Variants in ZBTB3 observed in about 807,000 individuals in gnomAD.
The protein encoded by ZBTB3 is zinc finger and BTB domain containing 3, also known as zinc finger and BTB domain-containing protein 3.
A neutral mutation model predicts 30.6 loss-of-function variants in ZBTB3; 15 were observed. The ratio of observed to expected loss-of-function variants is 0.49; its 90% confidence interval spans 0.33 to 0.75. The LOEUF (loss-of-function observed/expected upper bound fraction) is 0.75. Among genes scored for constraint, ZBTB3 ranks in the 30% least tolerant of loss-of-function variants. The pLI is 0.02. For missense variants in ZBTB3, 599 were observed against 652.1 expected, an observed-to-expected ratio of 0.92 and a Z score of 0.89; for synonymous variants, 258 against 261.7, an observed-to-expected ratio of 0.99 and a Z score of 0.14.
rs763373327 is a variant in ZBTB3, at chr11:62,753,604, C to T, written c.61G>A (p.Gly21Ser). 2 of 1,613,956 alleles carry T rather than the reference C, an allele frequency of 1.2e-6. No homozygotes were observed. The highest frequency in any genetic ancestry group is 1.7e-5 in the Admixed American group (1 of 59,976). The change falls in exon 2 of 2, where the codon GGT becomes AGT. Residue 21 changes from glycine (G) to serine (S), a missense_variant. Transcript: ENST00000394807. ...ATCACGGTGCAGTCACAAAGGAAAC[C>T]CTGGGACCGCTGCTCCCGGAGGCTC... The part of the protein sequence containing the change: ...LQSLREQRSQ[G>S]FLCDCTVMVG...
chr11:62,752,277 CCT>C lies in ZBTB3; in HGVS notation c.1386_1387del (p.Asp464ProfsTer11). The C allele has an allele frequency of 1.9e-6, 3 of 1,614,134 alleles. No individual in the cohort carries two copies. The highest frequency in any genetic ancestry group is 2.5e-6 in the Non-Finnish European group (3 of 1,180,030). ...CTTGCGGATGTGGCGGTAGAGGTCC[CCT>C]GACTGCGTGTAGCTCCGCAGGCAGT... On this transcript the variant is annotated frameshift_variant, in exon 2 of 2. Transcript: ENST00000394807. LOFTEE classifies it high-confidence loss of function.
At chr11:62,753,816 G>C in intron 1 of ZBTB3, 101 bp from the exon 2 acceptor site, 1 of 1,525,120 alleles carries the variant, frequency 6.6e-7, no homozygotes. Context: ...TTAAGTTACT[G>C]CCCTTCTTTC....
rs1419272997 is a variant in ZBTB3, at chr11:62,752,398, T to C, written c.1267A>G (p.Thr423Ala). ...SFGVFTEDVPTCKTCGKTFSC... is the reference protein window; with the variant it reads ...SFGVFTEDVPACKTCGKTFSC... The stretch of plus-strand genomic sequence containing the variant: ...AAGGTCTTCCCACATGTCTTGCAGG[T>C]GGGAACATCCTCAGTAAAAACCCCA... Residue 423 changes from threonine to alanine, a missense_variant, in exon 2 of 2, where the codon ACC (threonine) becomes GCC (alanine). Physicochemically the swap from Thr to Ala is moderately conservative, Grantham distance 58 (BLOSUM62 0). Transcript: ENST00000394807. 1 of 1,614,150 alleles carries C rather than the reference T, an allele frequency of 6.2e-7. No individual in the cohort carries two copies. Among genetic ancestry groups the C allele is most frequent in the Admixed American group, 1.7e-5 (1 of 60,018 alleles).
rs1191322016 is a variant in ZBTB3 at position 62,753,494 on chromosome 11, T to G, written c.171A>C (p.Glu57Asp). The stretch of plus-strand genomic sequence containing the variant: ...TACACACCAGATCCCTCTTGTCCAA[T>G]TCCCGCTCCTTGTAGAAAAGCTGGA... ...PFFQLFYKER[E>D]LDKRDLVCIH... The change falls in exon 2 of 2, where the codon GAA (glutamate) becomes GAC (aspartate). Residue 57 changes from glutamate to aspartate, a missense_variant. Physicochemically the swap from Glu to Asp is conservative, Grantham distance 45. Transcript: ENST00000394807. The G allele has an allele frequency of 6.2e-7, 1 of 1,614,050 alleles. No homozygotes were observed. Among genetic ancestry groups the G allele is most frequent in the African/African-American group, 1.3e-5 (1 of 74,932 alleles).
Position 62,752,032 on chromosome 11 carries a change from A to G in ZBTB3, c.*58T>C, listed in dbSNP as rs2084016657. 6 of 1,504,282 alleles carry G rather than the reference A, an allele frequency of 4.0e-6. No homozygotes were observed. The highest frequency in any genetic ancestry group is 4.5e-6 in the Non-Finnish European group (5 of 1,122,988). 93.2% of individuals were successfully genotyped at this position (1,504,282 alleles called of 1,614,324 possible). A position where few individuals can be genotyped will look rare whatever the true frequency, so the allele number is the denominator to read the frequency against. ...CAGCAGGGGTGATAAGGTGCCACCA[A>G]CCTTCTGAGCTGCCATCTAAGGATG... On this transcript the variant is annotated 3_prime_UTR_variant, in exon 2 of 2. Transcript: ENST00000394807.
rs36089406 is a variant in ZBTB3, at chr11:62,751,525, C to CA, written c.*564dup. 1,624 of 49,498 alleles carry CA rather than the reference C, an allele frequency of 0.033. 22 individuals are homozygous for CA. Among genetic ancestry groups the CA allele is most frequent in the South Asian group, 0.056 (80 of 1,422 alleles). 3.1% of individuals were successfully genotyped at this position (49,498 alleles called of 1,614,324 possible). A position where few individuals can be genotyped will look rare whatever the true frequency, so the allele number is the denominator to read the frequency against. On this transcript the variant is annotated 3_prime_UTR_variant, in exon 2 of 2. Coordinates refer to ENST00000394807, the MANE Select transcript of ZBTB3 (RefSeq NM_001370809.1). ...TGGGGGACAGAGTGAGACTCTGTCTCAAAAAAAAAAAAAAAAAAAGGAATC... is the reference window on the plus strand; with the variant it reads ...TGGGGGACAGAGTGAGACTCTGTCTCAAAAAAAAAAAAAAAAAAAAGGAATC...
chr11:62,753,962 AC>A lies in ZBTB3; in HGVS notation c.-52+1del, dbSNP rs1565179745. On this transcript the variant is annotated splice_donor_variant, in intron 1 of 1. Transcript: ENST00000394807. LOFTEE classifies it low-confidence loss of function (5UTR_SPLICE). ...GCCACCCTCCGCTTCCTTGATGCCCACCCGGTAGCGTCCAACGGCTCCACGA... is the reference window on the plus strand; with the variant it reads ...GCCACCCTCCGCTTCCTTGATGCCCACCGGTAGCGTCCAACGGCTCCACGA... 1 of 1,590,338 alleles carries A rather than the reference AC, an allele frequency of 6.3e-7. No homozygotes were observed. The highest frequency in any genetic ancestry group is 8.5e-7 in the Non-Finnish European group (1 of 1,172,236).
chr11:62,751,950 TAAA>T lies in ZBTB3; in HGVS notation c.*137_*139del. On this transcript the variant is annotated 3_prime_UTR_variant, in exon 2 of 2. Coordinates refer to ENST00000394807, the MANE Select transcript of ZBTB3 (RefSeq NM_001370809.1). Reference sequence around the variant, plus strand: ...ACTCTGTCTCAAAAAAATAAAAGATTAAAAAAAAAAAAGGGTAGGAACTTTCAG... The same window carrying T: ...ACTCTGTCTCAAAAAAATAAAAGATTAAAAAAAAAGGGTAGGAACTTTCAG... 8 of 650,260 alleles carry T rather than the reference TAAA, an allele frequency of 1.2e-5. No homozygotes were observed. The highest frequency in any genetic ancestry group is 1.8e-5 in the Non-Finnish European group (8 of 437,664). 40.3% of individuals were successfully genotyped at this position (650,260 alleles called of 1,614,324 possible). A position where few individuals can be genotyped will look rare whatever the true frequency, so the allele number is the denominator to read the frequency against.
At position 62,752,592 on chromosome 11, in the gene ZBTB3, A is replaced by C. The variant is rs773468710; in HGVS notation, c.1073T>G (p.Val358Gly). 5.0e-6 allele frequency: 8 copies of C among 1,613,936 alleles called. No individual in the cohort carries two copies. The South Asian group carries it at 6.6e-5, about 13-fold the overall frequency. Residue 358 changes from valine (V) to glycine (G), a missense_variant, in exon 2 of 2, where the codon GTG becomes GGG. Transcript: ENST00000394807. ...EDPGAAGLEEVGPSDHFLPTD... is the reference protein window; with the variant it reads ...EDPGAAGLEEGGPSDHFLPTD... ...TGGCAGGAAGTGGTCACTTGGCCCC[A>C]CCTCCTCCAGTCCTGCTGCCCCTGG...
Position 62,754,132 on chromosome 11 carries a change from C to A in ZBTB3, c.-220G>T, listed in dbSNP as rs996381714. 1 of 1,477,066 alleles carries A rather than the reference C, an allele frequency of 6.8e-7. No homozygotes were observed. Among genetic ancestry groups the A allele is most frequent in the African/African-American group, 1.4e-5 (1 of 72,292 alleles). The allele number at this position is 1,477,066 out of a possible 1,614,324, so 91.5% of individuals were successfully genotyped here. ...TAGCGGAGAAAGCTGATACCTCACC[C>A]ACCACCGAGCAGCCACAGGGCGAGC... is the stretch of plus-strand genomic sequence containing the variant. On this transcript the variant is annotated 5_prime_UTR_variant, in exon 1 of 2. Transcript: ENST00000394807.
Position 62,752,328 on chromosome 11 carries a change from C to CGT in ZBTB3, c.1335_1336dup (p.Arg446HisfsTer47), listed in dbSNP as rs1565178410. The CGT allele has an allele frequency of 6.2e-7, 1 of 1,614,158 alleles. No homozygotes were observed. Among genetic ancestry groups the CGT allele is most frequent in the East Asian group, 2.2e-5 (1 of 44,888 alleles). ...GTAGCGGCACTCATAGGGTCGCTCA[C>CGT]GTGTGTGCACCGTGGCATGTCGCCG... On this transcript the variant is annotated frameshift_variant, in exon 2 of 2. Coordinates refer to ENST00000394807, the MANE Select transcript of ZBTB3 (RefSeq NM_001370809.1). LOFTEE classifies it high-confidence loss of function.
Position 62,752,559 on chromosome 11 carries a change from G to A in ZBTB3, c.1106C>T (p.Pro369Leu). The change falls in exon 2 of 2, where the codon CCT (proline) becomes CTT (leucine). Residue 369 changes from proline (P) to leucine (L), a missense_variant. Physicochemically the swap from Pro to Leu is moderately conservative, Grantham distance 98. Transcript: ENST00000394807. ...TGGCAGCAGATGGTAGGGTAGATGA[G>A]GGTCTGTTGGCAGGAAGTGGTCACT... ...GPSDHFLPTD[P>L]HLPYHLLPGA... The A allele has an allele frequency of 6.2e-7, 1 of 1,614,182 alleles. No homozygotes were observed. The highest frequency in any genetic ancestry group is 1.1e-5 in the South Asian group (1 of 91,086).
rs763115295 is a variant in ZBTB3 at position 62,752,245 on chromosome 11, T to C, written c.1420A>G (p.Asn474Asp). The change falls in exon 2 of 2, where the codon AAT becomes GAT. Residue 474 changes from asparagine to aspartate, a missense_variant. Transcript: ENST00000394807. ...DLYRHIRKAH[N>D]EDLAKRSKPD... The stretch of plus-strand genomic sequence containing the variant: ...TTGCTGCGTTTGGCCAGGTCCTCAT[T>C]GTGAGCCTTGCGGATGTGGCGGTAG... 1.9e-6 allele frequency: 3 copies of C among 1,614,174 alleles called. No individual in the cohort carries two copies. The highest frequency in any genetic ancestry group is 2.2e-5 in the East Asian group (1 of 44,878).
In ZBTB3 at chr11:62,752,396, G is replaced by A. The variant is rs761044947; in HGVS notation, c.1269C>T (p.Thr423=). The A allele has an allele frequency of 2.5e-6, 4 of 1,614,146 alleles. No homozygotes were observed. Among genetic ancestry groups the A allele is most frequent in the East Asian group, 2.2e-5 (1 of 44,884 alleles). ...AGAAGGTCTTCCCACATGTCTTGCA[G>A]GTGGGAACATCCTCAGTAAAAACCC... is the stretch of plus-strand genomic sequence containing the variant. ...SFGVFTEDVP[T]CKTCGKTFSC... The change falls in exon 2 of 2, where the codon ACC becomes ACT. Residue 423 remains threonine (T), a synonymous_variant. Coordinates refer to ENST00000394807, the MANE Select transcript of ZBTB3 (RefSeq NM_001370809.1).
Position 62,753,298 on chromosome 11 carries a change from C to A in ZBTB3, c.367G>T (p.Ala123Ser). 6.2e-7 allele frequency: 1 copy of A among 1,614,126 alleles called. No individual in the cohort carries two copies. Among genetic ancestry groups the A allele is most frequent in the Non-Finnish European group, 8.5e-7 (1 of 1,180,038 alleles). Residue 123 changes from alanine (A) to serine (S), a missense_variant, in exon 2 of 2, where the codon GCC becomes TCC. Physicochemically the swap from Ala to Ser is moderately conservative, Grantham distance 99. Coordinates refer to ENST00000394807, the MANE Select transcript of ZBTB3 (RefSeq NM_001370809.1). ...TTGGTACTGTCTGCCTCTGCCAGGG[C>A]CCGGGCTTGAAGCCGCCGCTTACAC... ...KVCKRRLQAR[A>S]LAEADSTKKE...
Position 62,752,199 on chromosome 11 carries a change from G to A in ZBTB3, c.1466C>T (p.Pro489Leu), listed in dbSNP as rs2084018744. ...AGGGAGAGGCTGCACCCCTAGAAGG[G>A]GTCCCACTTCTGGATCTGGTTTGCT... ...KRSKPDPEVGPLLGVQPLPGS... is the reference protein window; with the variant it reads ...KRSKPDPEVGLLLGVQPLPGS... The change falls in exon 2 of 2, where the codon CCC (proline) becomes CTC (leucine). Residue 489 changes from proline to leucine, a missense_variant. By Grantham distance (98) the Pro-to-Leu change is moderately conservative. Coordinates refer to ENST00000394807, the MANE Select transcript of ZBTB3 (RefSeq NM_001370809.1). 1 of 1,614,162 alleles carries A rather than the reference G, an allele frequency of 6.2e-7. No homozygotes were observed. Among genetic ancestry groups the A allele is most frequent in the Non-Finnish European group, 8.5e-7 (1 of 1,180,018 alleles).
At position 62,752,722 on chromosome 11, in the gene ZBTB3, C is replaced by T. The variant is rs776078486; in HGVS notation, c.943G>A (p.Glu315Lys). The change falls in exon 2 of 2, where the codon GAG (glutamate) becomes AAG (lysine). Residue 315 changes from glutamate (E) to lysine (K), a missense_variant. By Grantham distance (56) the Glu-to-Lys change is moderately conservative (BLOSUM62 1). Transcript: ENST00000394807. ...KVEAIVISDE[E>K]TDVSDEQPQG... ...GGCTGTTCATCTGACACATCAGTCT[C>T]TTCATCAGAGATCACAATAGCTTCA... 1.2e-6 allele frequency: 2 copies of T among 1,614,208 alleles called. No homozygotes were observed. Among genetic ancestry groups the T allele is most frequent in the South Asian group, 2.2e-5 (2 of 91,088 alleles).
chr11:62,753,476 C>T lies in ZBTB3; in HGVS notation c.189G>A (p.Leu63=). 6.2e-7 allele frequency: 1 copy of T among 1,614,216 alleles called. No individual in the cohort carries two copies. The highest frequency in any genetic ancestry group is 8.5e-7 in the Non-Finnish European group (1 of 1,180,046). ...YKERELDKRD[L]VCIHNEIVTA... ...TGACAATTTCATTGTGAATACACAC[C>T]AGATCCCTCTTGTCCAATTCCCGCT... Residue 63 remains leucine (L), a synonymous_variant, in exon 2 of 2, where the codon CTG becomes CTA. Transcript: ENST00000394807.
Position 62,752,356 on chromosome 11 carries a change from G to A in ZBTB3, c.1309C>T (p.Leu437=), listed in dbSNP as rs753788443. ...CGKTFSCSYT[L]RRHATVHTRE... is the part of the protein sequence containing the mutation. ...GTGTGCACCGTGGCATGTCGCCGTA[G>A]TGTGTAAGAGCATGAGAAGGTCTTC... Residue 437 remains leucine, a synonymous_variant, in exon 2 of 2, where the codon CTA becomes TTA. Coordinates refer to ENST00000394807, the MANE Select transcript of ZBTB3 (RefSeq NM_001370809.1). 2 of 1,614,202 alleles carry A rather than the reference G, an allele frequency of 1.2e-6. No homozygotes were observed. Among genetic ancestry groups the A allele is most frequent in the Non-Finnish European group, 1.7e-6 (2 of 1,180,042 alleles).
Sources: allele counts gnomAD v4.1 joint callset, GRCh38; gene constraint gnomAD v4.1.1; transcripts MANE v1.5; gene names NCBI Gene and HGNC (gene_info 2026-07-23, HGNC 2026-07-21).